Variants in CACNA2D4 observed in about 807,000 individuals in gnomAD.
CACNA2D4 encodes the protein calcium voltage-gated channel auxiliary subunit alpha2delta 4, also known as voltage-dependent calcium channel subunit alpha-2/delta-4.
Under a neutral mutation model 163.8 loss-of-function variants are expected in CACNA2D4, and 157 were observed. The ratio of observed to expected loss-of-function variants is 0.96; its 90% confidence interval spans 0.84 to 1.09. The LOEUF (loss-of-function observed/expected upper bound fraction) is 1.09. Ranked by LOEUF, CACNA2D4 falls within the 50% of genes least tolerant of loss-of-function variation. The probability of loss-of-function intolerance (pLI) is 0.00; values close to 1 mark genes in which losing one functional copy is unlikely to be tolerated. For missense variants in CACNA2D4, 1,410 were observed against 1,479.9 expected, an observed-to-expected ratio of 0.95 and a Z score of 0.78; for synonymous variants, 598 against 586.9, an observed-to-expected ratio of 1.02 and a Z score of -0.27.
intron 26 of CACNA2D4, chr12:1,836,611 G>C (rs550948799): frequency 6.5e-6 from 1 of 152,718 alleles, no homozygotes; most frequent in African/African-American, 2.4e-5. Flanking sequence ...ACCAGATCTG[G>C]GGATTTTCTA....
intron 14 of CACNA2D4, among the ~76,000 whole-genome samples, chr12:1,879,578 G>A (rs1358813016): frequency 6.6e-6 from 1 of 152,188 alleles, no homozygotes; most frequent in Non-Finnish European, 1.5e-5. Flanking sequence ...GCTACTCCCA[G>A]CCAGCCTGCA....
chr12:1,809,447 C>T, intron 29 of CACNA2D4: 1 of 679,686 alleles, frequency 1.5e-6, no homozygotes, highest in East Asian at 2.7e-5. Flanking sequence ...TGCCCCTTTC[C>T]CCGAGGCTCA....
intron 6 of CACNA2D4, among the ~76,000 whole-genome samples, chr12:1,897,897 CAAT>C: frequency 6.6e-6 from 1 of 152,216 alleles, no homozygotes; most frequent in South Asian, 2.1e-4. Flanking sequence ...TTTCATCCAA[CAAT>C]GAGAGCACAC....
intron 26 of CACNA2D4, chr12:1,835,169 C>T: frequency 6.1e-6 from 1 of 165,006 alleles, no homozygotes; most frequent in South Asian, 1.8e-4. Context: ...AGACTCTCTC[C>T]TAAGCCAGAA....
At chr12:1,832,092 G>A (rs1864661374) in intron 26 of CACNA2D4, among the ~76,000 whole-genome samples, 1 of 152,186 alleles carries the variant, frequency 6.6e-6, no homozygotes. Context: ...AATGGGTTAG[G>A]CTTTACTTTC....
At chr12:1,865,744 C>A (rs1865638399) in intron 18 of CACNA2D4, among the ~76,000 whole-genome samples, 1 of 152,148 alleles carries the variant, frequency 6.6e-6, no homozygotes, top group African/African-American at 2.4e-5. Flanking sequence ...TGTGGGGAAC[C>A]GGGGCGCGGG....
At position 1,863,260 on chromosome 12, in the gene CACNA2D4, G is replaced by A. The variant is rs78137242; in HGVS notation, c.1879-3054C>T. Among the ~76,000 whole-genome samples the A allele has an allele frequency of 3.2e-3, 481 of 152,260 alleles. 2 individuals are homozygous for A. The highest frequency in any genetic ancestry group is 0.022 in the East Asian group (114 of 5,188). ...TAATATATGTGTGGGCTATTTCTGG[G>A]TTCTCTATTCAGGTCATTGACCCAT... On this transcript the variant is annotated intron_variant, in intron 18 of 37. Coordinates refer to ENST00000382722, the MANE Select transcript of CACNA2D4 (RefSeq NM_172364.5).
Position 1,844,483 on chromosome 12 carries a change from G to A in CACNA2D4, c.2389C>T (p.Arg797Cys), listed in dbSNP as rs777004690. ...GCCTGGCGGTACCACAGCGGGAAGCGGTCCAGGGTGAACACGCTGGCCTCG... is the reference window on the plus strand; with the variant it reads ...GCCTGGCGGTACCACAGCGGGAAGCAGTCCAGGGTGAACACGCTGGCCTCG... ...EDEASVFTLD[R>C]FPLWYRQASE... is the part of the protein sequence containing the mutation. Residue 797 changes from arginine (R) to cysteine (C), a missense_variant, in exon 25 of 38, where the codon CGC becomes TGC. By Grantham distance (180) the Arg-to-Cys change is radical. Coordinates refer to ENST00000382722, the MANE Select transcript of CACNA2D4 (RefSeq NM_172364.5). This position sits in a 1 kb window ranked among gnomAD's most constrained non-coding sequence, Gnocchi z 4.2. 2.0e-5 allele frequency: 33 copies of A among 1,613,354 alleles called. 1 individual carries two copies. Among genetic ancestry groups the A allele is most frequent in the Middle Eastern group, 3.3e-4 (2 of 6,080 alleles).
At position 1,829,731 on chromosome 12, in the gene CACNA2D4, T is replaced by G. The variant is rs550920269; in HGVS notation, c.2551+11008A>C. Among the ~76,000 whole-genome samples, 1 of 144,692 alleles carries G rather than the reference T, an allele frequency of 6.9e-6. No individual in the cohort carries two copies. The highest frequency in any genetic ancestry group is 6.9e-5 in the Admixed American group (1 of 14,572). 94.9% of individuals were successfully genotyped at this position (144,692 alleles called of 152,430 possible). A position where few individuals can be genotyped will look rare whatever the true frequency, so the allele number is the denominator to read the frequency against. On this transcript the variant is annotated intron_variant, in intron 26 of 37. Transcript: ENST00000382722. This position sits in a 1 kb window ranked among gnomAD's most constrained non-coding sequence, Gnocchi z 4.2. ...TGGGACAGCCAGGTCCCAGGTCCCATGTCAGGGTGGGCCGATGGGCTGTGA... is the reference window on the plus strand; with the variant it reads ...TGGGACAGCCAGGTCCCAGGTCCCAGGTCAGGGTGGGCCGATGGGCTGTGA...
At position 1,843,878 on chromosome 12, in the gene CACNA2D4, CTGAGAGGGGCT is replaced by C. The variant is rs1731845495; in HGVS notation, c.2470+513_2470+523del. On this transcript the variant is annotated intron_variant, in intron 25 of 37. Transcript: ENST00000382722. The surrounding 1 kb of genome is among the most constrained non-coding windows in gnomAD (Gnocchi z 4.6). ...TGCCTGGCACAGCCTCTCTCTTGAG[CTGAGAGGGGCT>C]TGTGGAGAAGGCTGGGAGCTCCCTG... Among the ~76,000 whole-genome samples the C allele has an allele frequency of 6.6e-6, 1 of 152,156 alleles. No homozygotes were observed. Among genetic ancestry groups the C allele is most frequent in the Non-Finnish European group, 1.5e-5 (1 of 68,028 alleles).
intron 24 of CACNA2D4, among the ~76,000 whole-genome samples, chr12:1,845,704 T>C (rs1565707514): frequency 1.3e-5 from 2 of 152,098 alleles, no homozygotes; most frequent in Non-Finnish European, 2.9e-5. Context: ...TGGGCTCCCA[T>C]CCTCCCTTGA....
At position 1,878,958 on chromosome 12, in the gene CACNA2D4, T is replaced by A. The variant is rs1322239477; in HGVS notation, c.1642A>T (p.Lys548Ter). 1.2e-6 allele frequency: 2 copies of A among 1,613,328 alleles called. No individual in the cohort carries two copies. The highest frequency in any genetic ancestry group is 1.7e-6 in the Non-Finnish European group (2 of 1,179,484). ...RELMKLAPRY[K>*]LGVHGYAFLN... ...ACAGGGAACAGACCCAGGCTCACCT[T>A]GTACCGGGGCGCCAGCTTCATCAGC... Residue 548 changes from lysine to a stop codon, truncating the protein, a stop_gained and splice_region_variant, in exon 15 of 38, where the codon AAG (lysine) becomes TAG (stop). Coordinates refer to ENST00000382722, the MANE Select transcript of CACNA2D4 (RefSeq NM_172364.5). LOFTEE classifies it high-confidence loss of function. The surrounding 1 kb of genome is among the most constrained non-coding windows in gnomAD (Gnocchi z 4.6).
At chr12:1,861,435 T>A (rs948079470) in intron 18 of CACNA2D4, among the ~76,000 whole-genome samples, 2 of 150,536 alleles carry the variant, frequency 1.3e-5, no homozygotes, top group Non-Finnish European at 3.0e-5. Context: ...GATCATTTTT[T>A]TATTTTTACT....
rs1485905750 is a variant in CACNA2D4 at position 1,797,425 on chromosome 12, A to T, written c.3106T>A (p.Cys1036Ser). Residue 1036 changes from cysteine to serine, a missense_variant, in exon 35 of 38, where the codon TGC becomes AGC. Cys to Ser is a moderately radical substitution (Grantham distance 112). Coordinates refer to ENST00000382722, the MANE Select transcript of CACNA2D4 (RefSeq NM_172364.5). ...EANGIVECGPCQKVFVVQQIP... is the reference protein window; with the variant it reads ...EANGIVECGPSQKVFVVQQIP... ...GCCGCCCTGCGGTCTTACTTCTGGCAGGGCCCGCACTCCACGATCCCGTTG... is the reference window on the plus strand; with the variant it reads ...GCCGCCCTGCGGTCTTACTTCTGGCTGGGCCCGCACTCCACGATCCCGTTG... 2 of 1,544,838 alleles carry T rather than the reference A, an allele frequency of 1.3e-6. No homozygotes were observed. Among genetic ancestry groups the T allele is most frequent in the East Asian group, 4.8e-5 (2 of 41,414 alleles).
intron 2 of CACNA2D4, 87 bp from the exon 3 acceptor site, chr12:1,913,226 A>G: frequency 1.1e-6 from 1 of 890,324 alleles, no homozygotes; most frequent in Non-Finnish European, 1.9e-6. Context: ...CAACCTCTCC[A>G]CAGATGCATT....
Position 1,844,340 on chromosome 12 carries a change from G to A in CACNA2D4, c.2470+62C>T, listed in dbSNP as rs565556098. The A allele has an allele frequency of 1.3e-6, 2 of 1,583,434 alleles. No individual in the cohort carries two copies. Among genetic ancestry groups the A allele is most frequent in the East Asian group, 2.3e-5 (1 of 44,330 alleles). ...CCCATTTCCCACTAAGAGCACAGCA[G>A]GAGGAGAGATGAGACTGGCCTGAGA... On this transcript the variant is annotated intron_variant, in intron 25 of 37. Coordinates refer to ENST00000382722, the MANE Select transcript of CACNA2D4 (RefSeq NM_172364.5). This position sits in a 1 kb window ranked among gnomAD's most constrained non-coding sequence, Gnocchi z 4.2.
At position 1,845,387 on chromosome 12, in the gene CACNA2D4, G is replaced by C. The variant is rs574720696; in HGVS notation, c.2343-858C>G. 6.6e-5 allele frequency among the ~76,000 whole-genome samples: 10 copies of C among 151,990 alleles called. No individual in the cohort carries two copies. In the East Asian group the frequency reaches 1.7e-3, roughly 27 times the overall value. ...CTTCTCCACCTCCGCAGGGATGGGT[G>C]GGGGGGAGGAGGGGAGGGAGGAGGG... On this transcript the variant is annotated intron_variant, in intron 24 of 37. Transcript: ENST00000382722.
intron 23 of CACNA2D4, among the ~76,000 whole-genome samples, chr12:1,852,175 G>A (rs757454300): frequency 8.6e-5 from 13 of 151,974 alleles, no homozygotes; most frequent in African/African-American, 1.2e-4. Context: ...TTTAAACAGC[G>A]ACAATTTTAC....
chr12:1,855,680 G>A (rs11062008), intron 22 of CACNA2D4, among the ~76,000 whole-genome samples: 10,473 of 152,276 alleles, frequency 0.069, 490 homozygotes, highest in African/African-American at 0.13. Context: ...TCTAGACAGT[G>A]GTAGGGAAAA....
Sources: allele counts gnomAD v4.1 joint callset (sites outside exome capture counted in the v4.1 genomes callset), GRCh38; gene constraint gnomAD v4.1.1; non-coding constraint Gnocchi (gnomAD v3.1); transcripts MANE v1.5; gene names NCBI Gene and HGNC (gene_info 2026-07-23, HGNC 2026-07-21).